The following NRXN1 variants were observed in gnomAD, a reference collection of about 807,000 sequenced individuals.
NRXN1 encodes the protein neurexin-1.
NRXN1 carries 39 observed loss-of-function variants against 150.9 expected under a neutral mutation model. That is an observed-to-expected ratio of 0.26 (90% confidence interval 0.20 to 0.34). NRXN1 has a LOEUF of 0.34. Among genes scored for constraint, NRXN1 ranks in the 10% least tolerant of loss-of-function variants. NRXN1 has a pLI of 1.00. For synonymous variants in NRXN1, 924 were observed against 757.0 expected (o/e 1.22, Z -3.62); for missense variants, 1,815 against 1,949.9 (o/e 0.93, Z 1.30).
In NRXN1 at chr2:50,539,300, T is replaced by C. The variant is rs142205460; in HGVS notation, c.1760-664A>G. On this transcript the variant is annotated intron_variant, in intron 9 of 22. Transcript: ENST00000401669. Reference sequence around the variant, plus strand: ...ATCACTGTATAAATGTTTGTGATTATATTTCAGTGAAAGAATCAAGTAAAA... The same window carrying C: ...ATCACTGTATAAATGTTTGTGATTACATTTCAGTGAAAGAATCAAGTAAAA... Among the ~76,000 whole-genome samples, 159 of 152,348 alleles carry C rather than the reference T, an allele frequency of 1.0e-3. 2 individuals carry two copies. The East Asian group carries it at 0.029, about 28-fold the overall frequency.
At chr2:50,043,923 G>A (rs994360452) in intron 21 of NRXN1, among the ~76,000 whole-genome samples, 1 of 152,004 alleles carries the variant, frequency 6.6e-6, no homozygotes, top group African/African-American at 2.4e-5. Context: ...CATCATGTGT[G>A]AATCTGTAGT....
At chr2:50,838,127 C>T (rs1185047686) in intron 5 of NRXN1, among the ~76,000 whole-genome samples, 1 of 152,124 alleles carries the variant, frequency 6.6e-6, no homozygotes, top group Non-Finnish European at 1.5e-5. Context: ...CTGCAAGCTA[C>T]TTAGCTCAAT....
intron 21 of NRXN1, among the ~76,000 whole-genome samples, chr2:49,998,307 G>A (rs1303738343): frequency 1.3e-5 from 2 of 152,158 alleles, no homozygotes; most frequent in African/African-American, 4.8e-5. Flanking sequence ...TCCTGAAGTA[G>A]TACAATGAGA....
Position 50,776,166 on chromosome 2 carries a change from G to A in NRXN1, c.832+145703C>T, listed in dbSNP as rs186782329. ...TAGGCACAAGTTTGAACAATTCCAG[G>A]GAAAACTTACAAACACATTTTGAAA... On this transcript the variant is annotated intron_variant, in intron 5 of 22. Transcript: ENST00000401669. Among the ~76,000 whole-genome samples the A allele has an allele frequency of 6.6e-5, 10 of 151,946 alleles. No individual in the cohort carries two copies. The Middle Eastern group carries it at 0.014, about 207-fold the overall frequency.
chr2:50,819,546 T>G (rs1464150584), intron 5 of NRXN1, among the ~76,000 whole-genome samples: 1 of 151,980 alleles, frequency 6.6e-6, no homozygotes, highest in East Asian at 1.9e-4. Flanking sequence ...GATAGGGAGT[T>G]GCTGTTCAAT....
chr2:50,486,270 G>T lies in NRXN1; in HGVS notation c.3070+9635C>A, dbSNP rs111585620. The stretch of plus-strand genomic sequence containing the variant: ...TGACATAATTGATAATAACGAGGAT[G>T]ATGGTGACAATAACGAAGGTAATTT... On this transcript the variant is annotated intron_variant, in intron 15 of 22. Transcript: ENST00000401669. Among the ~76,000 whole-genome samples, 479 of 152,276 alleles carry T rather than the reference G, an allele frequency of 3.1e-3. 3 individuals carry two copies. The highest frequency in any genetic ancestry group is 0.011 in the African/African-American group (464 of 41,538).
At chr2:50,892,764 T>C (rs549289989) in intron 5 of NRXN1, among the ~76,000 whole-genome samples, 2 of 152,198 alleles carry the variant, frequency 1.3e-5, no homozygotes, top group South Asian at 4.1e-4. Flanking sequence ...ATAACATATG[T>C]ATGTAAACAC....
At position 50,091,400 on chromosome 2, in the gene NRXN1, A is replaced by G; in HGVS notation, c.3641T>C (p.Val1214Ala). Residue 1214 changes from valine to alanine, a missense_variant, in exon 19 of 23, where the codon GTA (valine) becomes GCA (alanine). Transcript: ENST00000401669. ...NAIINDGKYH[V>A]VRFTRSGGNA... Reference sequence around the variant, plus strand: ...GCCACCACTCCTCGTGAAACGAACTACATGGTATTTCCCATCATTAATGAT... The same window carrying G: ...GCCACCACTCCTCGTGAAACGAACTGCATGGTATTTCCCATCATTAATGAT... The G allele has an allele frequency of 1.2e-6, 2 of 1,614,224 alleles. No individual in the cohort carries two copies. Among genetic ancestry groups the G allele is most frequent in the Non-Finnish European group, 1.7e-6 (2 of 1,180,032 alleles).
intron 21 of NRXN1, among the ~76,000 whole-genome samples, chr2:50,010,464 G>A (rs1323502399): frequency 6.6e-6 from 1 of 152,092 alleles, no homozygotes; most frequent in African/African-American, 2.4e-5. Context: ...ACATTAATCT[G>A]CAACCAGATT....
At chr2:50,384,012 G>A (rs1444328463) in intron 17 of NRXN1, among the ~76,000 whole-genome samples, 1 of 152,266 alleles carries the variant, frequency 6.6e-6, no homozygotes, top group Non-Finnish European at 1.5e-5. Context: ...AGAGAAGAAA[G>A]TAAAGGAAAG....
chr2:50,278,256 T>TATATATATATA (rs1558436973), intron 17 of NRXN1, among the ~76,000 whole-genome samples: 2 of 102,366 alleles, frequency 2.0e-5, no homozygotes, highest in Non-Finnish European at 3.7e-5. Flanking sequence ...ATATATATAT[T>TATATATATATA]ATATATATTA....
chr2:50,349,976 A>T (rs549750876), intron 17 of NRXN1, among the ~76,000 whole-genome samples: 1 of 152,220 alleles, frequency 6.6e-6, no homozygotes, highest in African/African-American at 2.4e-5. Flanking sequence ...TATGTGAAAC[A>T]TATCTAGTCT....
At position 50,219,625 on chromosome 2, in the gene NRXN1, T is replaced by C. The variant is rs76115880; in HGVS notation, c.3546+17164A>G. 8.8e-3 allele frequency among the ~76,000 whole-genome samples: 1,330 copies of C among 151,508 alleles called. 15 individuals carry two copies. The highest frequency in any genetic ancestry group is 0.031 in the African/African-American group (1,267 of 41,312). ...TCTTAGGTCAAATACAGTGGCTCAC[T>C]CCTGTAGCTGCAACATTTTGGGAGG... On this transcript the variant is annotated intron_variant, in intron 18 of 22. Transcript: ENST00000401669.
At chr2:50,842,722 C>A (rs1673050508) in intron 5 of NRXN1, among the ~76,000 whole-genome samples, 1 of 152,152 alleles carries the variant, frequency 6.6e-6, no homozygotes, top group Non-Finnish European at 1.5e-5. Context: ...TTGACCTCTA[C>A]ATGTTCATGG....
At chr2:50,190,849 G>C (rs1211291527) in intron 18 of NRXN1, among the ~76,000 whole-genome samples, 4 of 151,968 alleles carry the variant, frequency 2.6e-5, no homozygotes, top group African/African-American at 4.8e-5. Flanking sequence ...CCGACTGCAG[G>C]TGATCCACCT....
At chr2:50,001,197 C>A (rs532661660) in intron 21 of NRXN1, among the ~76,000 whole-genome samples, 3 of 152,188 alleles carry the variant, frequency 2.0e-5, no homozygotes, top group African/African-American at 7.2e-5. Flanking sequence ...ATTTCAGTGT[C>A]CTTATCACAA....
intron 19 of NRXN1, among the ~76,000 whole-genome samples, chr2:50,082,136 T>A (rs1698063685): frequency 6.6e-6 from 1 of 152,208 alleles, no homozygotes; most frequent in Admixed American, 6.5e-5. Context: ...GATTTCTGCA[T>A]TGTAGTGACA....
intron 21 of NRXN1, among the ~76,000 whole-genome samples, chr2:50,002,437 A>G (rs1684102616): frequency 1.3e-5 from 2 of 152,134 alleles, no homozygotes; most frequent in East Asian, 1.9e-4. Context: ...GATTTCTCCT[A>G]TAGGCCCTAT....
At chr2:50,005,489 G>A (rs1054023447) in intron 21 of NRXN1, among the ~76,000 whole-genome samples, 2 of 152,064 alleles carry the variant, frequency 1.3e-5, no homozygotes, top group African/African-American at 2.4e-5. Context: ...AACCATGAGA[G>A]TCTCCTTACT....
Sources: allele counts gnomAD v4.1 joint callset (sites outside exome capture counted in the v4.1 genomes callset), GRCh38; gene constraint gnomAD v4.1.1; transcripts MANE v1.5; gene names NCBI Gene and HGNC (gene_info 2026-07-23, HGNC 2026-07-21).